Variants in CD2AP observed in about 807,000 individuals in gnomAD.
CD2AP encodes CD2 associated protein, also known as CD2-associated protein.
Under a neutral mutation model 85.1 loss-of-function variants are expected in CD2AP, and 46 were observed. That is an observed-to-expected ratio of 0.54 (90% CI 0.43 to 0.69). The LOEUF (loss-of-function observed/expected upper bound fraction) is 0.69, where lower values mean the gene tolerates loss of function less well. CD2AP is among the 30% of genes least tolerant of loss of function. CD2AP has a pLI of 0.00. For missense variants in CD2AP, 769 were observed against 729.5 expected (o/e 1.05, Z -0.62); for synonymous variants, 255 against 252.9 (o/e 1.01, Z -0.08).
At position 47,582,090 on chromosome 6, in the gene CD2AP, A is replaced by G. The variant is rs780584177; in HGVS notation, c.1108+25A>G. ...GGTGAGGCTAATTTTCAACTTTCAA[A>G]AAAGCAATTATTTCTTTTATTGTCA... On this transcript the variant is annotated intron_variant, in intron 11 of 17. Transcript: ENST00000359314. 8.8e-5 allele frequency: 118 copies of G among 1,347,076 alleles called. 2 individuals are homozygous for G. Among genetic ancestry groups the G allele is most frequent in the South Asian group, 8.2e-4 (70 of 85,622 alleles). The allele number at this position is 1,347,076 out of a possible 1,614,324, so 83.4% of individuals were successfully genotyped here.
intron 2 of CD2AP, among the ~76,000 whole-genome samples, chr6:47,519,118 A>T (rs1203816889): frequency 6.6e-6 from 1 of 152,236 alleles, no homozygotes. Flanking sequence ...ATGAGTTCAT[A>T]TTCTAATGGT....
intron 2 of CD2AP, among the ~76,000 whole-genome samples, chr6:47,518,360 G>A (rs771943357): frequency 2.0e-5 from 3 of 152,166 alleles, no homozygotes; most frequent in Admixed American, 1.3e-4. Flanking sequence ...GCAAAAGTTA[G>A]TGTTCTACTG....
chr6:47,524,835 A>C (rs1392584838), intron 2 of CD2AP, among the ~76,000 whole-genome samples: 1 of 152,214 alleles, frequency 6.6e-6, no homozygotes, highest in African/African-American at 2.4e-5. Flanking sequence ...AGAAGTTTAG[A>C]AACTTTCAAA....
intron 5 of CD2AP, among the ~76,000 whole-genome samples, chr6:47,572,285 G>T (rs941599639): frequency 1.3e-5 from 2 of 152,210 alleles, no homozygotes. Flanking sequence ...CTGCGATGGT[G>T]TACAAGTGCT....
At chr6:47,590,640 A>G (rs892094808) in intron 11 of CD2AP, among the ~76,000 whole-genome samples, 2 of 152,114 alleles carry the variant, frequency 1.3e-5, no homozygotes, top group Non-Finnish European at 2.9e-5. Flanking sequence ...GGGTTTGAGT[A>G]TGTGTGCTTT....
intron 8 of CD2AP, among the ~76,000 whole-genome samples, chr6:47,579,106 C>T (rs1768392078): frequency 6.6e-6 from 1 of 152,138 alleles, no homozygotes; most frequent in Non-Finnish European, 1.5e-5. Flanking sequence ...ACAGTGTGAT[C>T]TGTTTAGTTC....
At position 47,595,927 on chromosome 6, in the gene CD2AP, C is replaced by T. The variant is rs779987473; in HGVS notation, c.1175C>T (p.Pro392Leu). ...GCTCCACAAGTCCCACCCAAGAAAC[C>T]TACTCCACCTACCAAAGCCAGTAAT... ...PAAPQVPPKK[P>L]TPPTKASNLL... The change falls in exon 12 of 18, where the codon CCT becomes CTT. Residue 392 changes from proline (P) to leucine (L), a missense_variant. Coordinates refer to ENST00000359314, the MANE Select transcript of CD2AP (RefSeq NM_012120.3). 1.2e-6 allele frequency: 2 copies of T among 1,612,648 alleles called. No homozygotes were observed. The highest frequency in any genetic ancestry group is 1.7e-6 in the Non-Finnish European group (2 of 1,179,044).
At chr6:47,520,606 G>C (rs1429506594) in intron 2 of CD2AP, among the ~76,000 whole-genome samples, 1 of 152,166 alleles carries the variant, frequency 6.6e-6, no homozygotes, top group Non-Finnish European at 1.5e-5. Flanking sequence ...CCTCTGGTGG[G>C]TGGTGGTTGG....
chr6:47,552,080 T>C (rs1228909447), intron 4 of CD2AP, among the ~76,000 whole-genome samples: 1 of 152,082 alleles, frequency 6.6e-6, no homozygotes, highest in East Asian at 1.9e-4. Flanking sequence ...AATTGTAGGA[T>C]GAGAGATCTT....
At chr6:47,489,944 A>G (rs1255424650) in intron 1 of CD2AP, among the ~76,000 whole-genome samples, 1 of 149,658 alleles carries the variant, frequency 6.7e-6, no homozygotes, top group Non-Finnish European at 1.5e-5. Context: ...TATTCGTTTG[A>G]GTAACTATTT....
Position 47,606,354 on chromosome 6 carries a change from C to T in CD2AP, c.1530+77C>T, listed in dbSNP as rs112722635. The T allele has an allele frequency of 5.1e-4, 441 of 868,090 alleles. No homozygotes were observed. In the African/African-American group the frequency reaches 6.4e-3, roughly 13 times the overall value. 53.8% of individuals were successfully genotyped at this position (868,090 alleles called of 1,614,324 possible). A position where few individuals can be genotyped will look rare whatever the true frequency, so the allele number is the denominator to read the frequency against. ...CCATTGGAAGATAGAGGACTTATAG[C>T]TCTACCTAAGTTTGAAAATCAGGAG... On this transcript the variant is annotated intron_variant, in intron 14 of 17. Coordinates refer to ENST00000359314, the MANE Select transcript of CD2AP (RefSeq NM_012120.3).
At chr6:47,520,983 T>C (rs1223862938) in intron 2 of CD2AP, among the ~76,000 whole-genome samples, 1 of 152,088 alleles carries the variant, frequency 6.6e-6, no homozygotes, top group Non-Finnish European at 1.5e-5. Context: ...ATGTTGTTCC[T>C]CAGATTCTGA....
At chr6:47,606,793 A>G (rs76070734) in intron 14 of CD2AP, among the ~76,000 whole-genome samples, 9 of 152,218 alleles carry the variant, frequency 5.9e-5, no homozygotes, top group Admixed American at 2.6e-4. Flanking sequence ...CCATCACGTC[A>G]TGAATTTATC....
At chr6:47,608,571 G>T (rs927008132) in intron 15 of CD2AP, among the ~76,000 whole-genome samples, 1 of 152,048 alleles carries the variant, frequency 6.6e-6, no homozygotes, top group Non-Finnish European at 1.5e-5. Flanking sequence ...GGGCATTTTT[G>T]TCAGCGTTTC....
chr6:47,608,079 G>C (rs769147718), intron 15 of CD2AP, 51 bp downstream of exon 15: 1 of 1,225,640 alleles, frequency 8.2e-7, no homozygotes. Context: ...ATTCTTTGTG[G>C]ACATCAAACA....
chr6:47,619,557 G>A (rs555291971), intron 17 of CD2AP, among the ~76,000 whole-genome samples: 2 of 138,850 alleles, frequency 1.4e-5, no homozygotes, highest in Admixed American at 7.1e-5. Flanking sequence ...TTCGAATAAT[G>A]ACTTCTTTTC....
intron 1 of CD2AP, among the ~76,000 whole-genome samples, chr6:47,485,988 TG>T (rs1561998526): frequency 6.6e-6 from 1 of 152,204 alleles, no homozygotes; most frequent in African/African-American, 2.4e-5. Flanking sequence ...TTTCCTAAGA[TG>T]CATCCCCATT....
rs80302910 is a variant in CD2AP, at chr6:47,536,383, T to G, written c.319+2628T>G. Among the ~76,000 whole-genome samples, 10 of 152,260 alleles carry G rather than the reference T, an allele frequency of 6.6e-5. No homozygotes were observed. The East Asian group carries it at 1.9e-3, about 29-fold the overall frequency. ...AAAACCCAAAACCATTGTATTAACA[T>G]AAGGTTAATAGTGTAAACACTGCAG... is the stretch of plus-strand genomic sequence containing the variant. On this transcript the variant is annotated intron_variant, in intron 3 of 17. Coordinates refer to ENST00000359314, the MANE Select transcript of CD2AP (RefSeq NM_012120.3).
At chr6:47,571,817 G>A (rs189661759) in intron 5 of CD2AP, among the ~76,000 whole-genome samples, 6 of 152,204 alleles carry the variant, frequency 3.9e-5, no homozygotes, top group African/African-American at 7.2e-5. Context: ...GTAGAGAGGC[G>A]AAGTGGGGCT....
Sources: allele counts gnomAD v4.1 joint callset (sites outside exome capture counted in the v4.1 genomes callset), GRCh38; gene constraint gnomAD v4.1.1; transcripts MANE v1.5; gene names NCBI Gene and HGNC (gene_info 2026-07-23, HGNC 2026-07-21).